The following PDE11A variants were observed in gnomAD, a reference collection of about 807,000 sequenced individuals.
The protein encoded by PDE11A is dual 3',5'-cyclic-AMP and -GMP phosphodiesterase 11A.
A neutral mutation model predicts 100.5 loss-of-function variants in PDE11A; 100 were observed. The observed-to-expected ratio is 1.00, with a 90% CI of 0.85 to 1.18. The LOEUF (loss-of-function observed/expected upper bound fraction) is 1.18, where lower values mean the gene tolerates loss of function less well. Among genes scored for constraint, PDE11A ranks in the 50% most tolerant of loss-of-function variants. PDE11A has a pLI of 0.00. For missense variants in PDE11A, 1,141 were observed against 1,152.6 expected (o/e 0.99, Z 0.15); for synonymous variants, 381 against 420.8 (o/e 0.91, Z 1.16).
intron 6 of PDE11A, among the ~76,000 whole-genome samples, chr2:177,830,936 C>T (rs149270993): frequency 6.6e-6 from 1 of 152,232 alleles, no homozygotes; most frequent in African/African-American, 2.4e-5. Context: ...CATAAGGTCG[C>T]AGAATTTAAA....
rs62183446 is a variant in PDE11A, at chr2:178,028,333, T to C, written c.913-13873A>G. On this transcript the variant is annotated intron_variant, in intron 1 of 19. Coordinates refer to ENST00000286063, the MANE Select transcript of PDE11A (RefSeq NM_016953.4). Reference sequence around the variant, plus strand: ...AAAAAAAAAAATGGGGACATGAATCTCTTGCCCTATAATATGAGAGTAGGC... The same window carrying C: ...AAAAAAAAAAATGGGGACATGAATCCCTTGCCCTATAATATGAGAGTAGGC... Among the ~76,000 whole-genome samples the C allele has an allele frequency of 3.1e-3, 456 of 148,374 alleles. 2 individuals are homozygous for C. The highest frequency in any genetic ancestry group is 5.9e-3 in the Non-Finnish European group (398 of 67,472).
chr2:178,091,271 A>T (rs1236005200), intron 2 of PDE11A, among the ~76,000 whole-genome samples: 1 of 152,100 alleles, frequency 6.6e-6, no homozygotes, highest in Admixed American at 6.5e-5. Context: ...GGGTTTCACC[A>T]TGTTGACCAG....
chr2:177,931,112 C>T (rs1559011901), intron 2 of PDE11A, among the ~76,000 whole-genome samples: 1 of 152,084 alleles, frequency 6.6e-6, no homozygotes, highest in Non-Finnish European at 1.5e-5. Context: ...GCCAAGATTG[C>T]GCCATTGCAC....
At chr2:177,632,256 C>T (rs1383699023) in intron 19 of PDE11A, among the ~76,000 whole-genome samples, 2 of 152,284 alleles carry the variant, frequency 1.3e-5, no homozygotes, top group Admixed American at 6.5e-5. Context: ...CAATTCCAAC[C>T]AGCTAGTAAT....
At chr2:178,060,760 C>T (rs908896877) in intron 1 of PDE11A, among the ~76,000 whole-genome samples, 5 of 151,812 alleles carry the variant, frequency 3.3e-5, no homozygotes, top group Admixed American at 3.3e-4. Context: ...TTAAATATTC[C>T]CTTTTATAAT....
intron 4 of PDE11A, among the ~76,000 whole-genome samples, chr2:177,882,013 T>C (rs2084351361): frequency 6.6e-6 from 1 of 152,220 alleles, no homozygotes; most frequent in Non-Finnish European, 1.5e-5. Flanking sequence ...ATCTTTTAAT[T>C]TGAAACAGTA....
intron 13 of PDE11A, among the ~76,000 whole-genome samples, chr2:177,704,033 C>T (rs1212881064): frequency 6.6e-6 from 1 of 152,224 alleles, no homozygotes; most frequent in African/African-American, 2.4e-5. Flanking sequence ...CTGATTCAAT[C>T]ACAGAAAATA....
At chr2:178,044,446 ATATG>A (rs1194524590) in intron 1 of PDE11A, among the ~76,000 whole-genome samples, 1 of 78,186 alleles carries the variant, frequency 1.3e-5, no homozygotes, top group African/African-American at 4.7e-5. Flanking sequence ...ATAAACATAT[ATATG>A]TATGTATACA....
Position 178,078,804 on chromosome 2 carries a change from G to A in PDE11A, c.162+25498C>T, listed in dbSNP as rs935813616. Among the ~76,000 whole-genome samples the A allele has an allele frequency of 4.6e-5, 7 of 152,036 alleles. No individual in the cohort carries two copies. In the South Asian group the frequency reaches 1.0e-3, roughly 23 times the overall value. On this transcript the variant is annotated intron_variant, in intron 2 of 20. Coordinates refer to the PDE11A transcript ENST00000358450. ...AAATATTCCTTGAATCTTCATAAAC[G>A]TAACTTTGCTAAAATATCTTAAATA...
intron 6 of PDE11A, among the ~76,000 whole-genome samples, chr2:177,839,542 A>T (rs1646946664): frequency 6.6e-6 from 1 of 152,100 alleles, no homozygotes; most frequent in South Asian, 2.1e-4. Context: ...AGTTTCATGG[A>T]TCATGGCCCT....
In PDE11A at chr2:177,991,663, C is replaced by A. The variant is rs912442461; in HGVS notation, c.1071+22639G>T. Among the ~76,000 whole-genome samples, 3 of 150,882 alleles carry A rather than the reference C, an allele frequency of 2.0e-5. 1 individual carries two copies. In the South Asian group the frequency reaches 6.4e-4, roughly 32 times the overall value. ...AAATGATAATAATAATAATAATATACCTTATATTTGGAAATGAAAATATAT... is the reference window on the plus strand; with the variant it reads ...AAATGATAATAATAATAATAATATAACTTATATTTGGAAATGAAAATATAT... On this transcript the variant is annotated intron_variant, in intron 2 of 19. Transcript: ENST00000286063.
At chr2:177,930,933 T>C (rs951949283) in intron 2 of PDE11A, among the ~76,000 whole-genome samples, 20 of 152,230 alleles carry the variant, frequency 1.3e-4, no homozygotes, top group African/African-American at 4.6e-4. Context: ...AACTTTCATA[T>C]GCAGGGAGTC....
chr2:177,916,706 A>C (rs969953764), intron 2 of PDE11A, among the ~76,000 whole-genome samples: 3 of 151,884 alleles, frequency 2.0e-5, no homozygotes, highest in African/African-American at 4.8e-5. Context: ...AGGTGCCTAG[A>C]GGACATTTCA....
chr2:178,055,202 A>G (rs979437123), intron 1 of PDE11A, among the ~76,000 whole-genome samples: 2 of 152,310 alleles, frequency 1.3e-5, no homozygotes, highest in African/African-American at 4.8e-5. Flanking sequence ...TTGTAGGGAC[A>G]TGGATGAAGC....
chr2:177,887,152 T>C (rs187690101), intron 4 of PDE11A, among the ~76,000 whole-genome samples: 19 of 152,104 alleles, frequency 1.2e-4, no homozygotes, highest in Admixed American at 1.2e-3. Flanking sequence ...ATTAGACAGG[T>C]AGGAAAGAGG....
intron 2 of PDE11A, among the ~76,000 whole-genome samples, chr2:177,991,312 C>T (rs1191260237): frequency 6.7e-6 from 1 of 148,578 alleles, no homozygotes; most frequent in East Asian, 2.0e-4. Flanking sequence ...GCCTGGGCGA[C>T]AGAGTAAGAC....
At chr2:178,062,364 T>TA in intron 1 of PDE11A, among the ~76,000 whole-genome samples, 1 of 150,632 alleles carries the variant, frequency 6.6e-6, no homozygotes, top group African/African-American at 2.4e-5. Context: ...GAAGCTACCT[T>TA]AGCAGTTGCA....
chr2:177,762,156 G>A (rs1044241709), intron 10 of PDE11A, among the ~76,000 whole-genome samples: 10 of 152,070 alleles, frequency 6.6e-5, no homozygotes, highest in Non-Finnish European at 1.5e-4. Flanking sequence ...ATGTGGGGGC[G>A]GGCAGTGATG....
intron 10 of PDE11A, among the ~76,000 whole-genome samples, chr2:177,764,393 A>G (rs974583266): frequency 1.3e-5 from 2 of 152,208 alleles, no homozygotes; most frequent in Non-Finnish European, 2.9e-5. Flanking sequence ...AATTGAAGGA[A>G]GGGATGATAC....
Sources: gnomAD v4.1 joint callset for allele counts (sites outside exome capture counted in the v4.1 genomes callset) on GRCh38, gnomAD v4.1.1 for gene constraint, MANE v1.5 for transcripts, NCBI Gene and HGNC (gene_info 2026-07-23, HGNC 2026-07-21) for gene names.